The following EYA2 variants were observed in gnomAD, a reference collection of about 807,000 sequenced individuals.
The protein encoded by EYA2 is protein phosphatase EYA2.
EYA2 carries 31 observed loss-of-function variants against 69.2 expected under a neutral mutation model. The observed-to-expected ratio is 0.45, with a 90% confidence interval of 0.34 to 0.60. The LOEUF is 0.60. EYA2 is among the 20% of genes least tolerant of loss of function. The pLI is 0.02. For missense variants in EYA2, 622 were observed against 701.2 expected (o/e 0.89, Z 1.28); for synonymous variants, 257 against 279.4 (o/e 0.92, Z 0.80).
At chr20:47,023,635 T>TTG (rs1555813783) in intron 5 of EYA2, among the ~76,000 whole-genome samples, 2 of 88,306 alleles carry the variant, frequency 2.3e-5, no homozygotes, top group African/African-American at 6.6e-5. Context: ...TTTGGGTGTT[T>TTG]TTTTTTTTTT....
chr20:47,026,393 A>C (rs1600650744), intron 5 of EYA2, among the ~76,000 whole-genome samples: 2 of 152,228 alleles, frequency 1.3e-5, no homozygotes, highest in South Asian at 4.1e-4. Context: ...TCAGAAATCC[A>C]AAATCCATAA....
chr20:47,112,862 C>CTTTTTTTTTTTTTTTTTTTTTTT (rs11473217), intron 9 of EYA2, among the ~76,000 whole-genome samples: 1 of 55,808 alleles, frequency 1.8e-5, no homozygotes, highest in Non-Finnish European at 3.5e-5. Flanking sequence ...ATGTTCACTC[C>CTTTTTTTTTTTTTTTTTTTTTTT]TTTTTTTTTT....
intron 9 of EYA2, among the ~76,000 whole-genome samples, chr20:47,103,254 C>G (rs573991456): frequency 6.6e-6 from 1 of 152,240 alleles, no homozygotes; most frequent in Non-Finnish European, 1.5e-5. Flanking sequence ...CTAGCAGTCA[C>G]CCCTGCCATT....
chr20:46,934,611 G>A (rs1031202073), intron 1 of EYA2, among the ~76,000 whole-genome samples: 2 of 152,190 alleles, frequency 1.3e-5, no homozygotes, highest in Non-Finnish European at 2.9e-5. Context: ...GATGCTGCTA[G>A]GGAAGAGGAG....
rs182351130 is a variant in EYA2, at chr20:47,038,894, G to A, written c.415+22597G>A. Among the ~76,000 whole-genome samples the A allele has an allele frequency of 6.0e-5, 9 of 149,584 alleles. No individual in the cohort carries two copies. The Admixed American group carries it at 6.2e-4, about 10-fold the overall frequency. On this transcript the variant is annotated intron_variant, in intron 5 of 15. Transcript: ENST00000327619. ...GAGGGGCTTTTGTGAAGAGAGTAGG[G>A]GCTTCTCGAACAGGAGAAAAACAAA...
chr20:47,125,888 T>C (rs1417104325), intron 9 of EYA2, among the ~76,000 whole-genome samples: 1 of 152,096 alleles, frequency 6.6e-6, no homozygotes, highest in Admixed American at 6.5e-5. Flanking sequence ...GTGTGTGTTT[T>C]TTTTTCTTTA....
chr20:46,979,340 C>T (rs768684478), intron 1 of EYA2: 4 of 152,462 alleles, frequency 2.6e-5, no homozygotes, highest in Non-Finnish European at 4.4e-5. Context: ...TGGCACAAGC[C>T]GCAGGCAGCA....
In EYA2 at chr20:47,089,312, C is replaced by T. The variant is rs142473026; in HGVS notation, c.735C>T (p.Ser245=). The T allele has an allele frequency of 1.7e-4, 281 of 1,614,124 alleles. No homozygotes were observed. In the African/African-American group the frequency reaches 2.9e-3, roughly 17 times the overall value. ...ACACAGACAGGCCGCACCGGGCCTC[C>T]GACGGGAAGCTCCGAGGCCGGTCTA... ...EGDTDRPHRA[S]DGKLRGRSKR... is the part of the protein sequence containing the mutation. Residue 245 remains serine, a synonymous_variant, in exon 8 of 16, where the codon TCC becomes TCT. Transcript: ENST00000327619.
Position 47,183,314 on chromosome 20 carries a change from A to G in EYA2, c.1459A>G (p.Ile487Val). The G allele has an allele frequency of 1.9e-6, 3 of 1,614,102 alleles. No individual in the cohort carries two copies. Among genetic ancestry groups the G allele is most frequent in the Non-Finnish European group, 8.5e-7 (1 of 1,180,010 alleles). ...KTGKESCFER[I>V]MQRFGRKAVY... The stretch of plus-strand genomic sequence containing the variant: ...AGGGAAGGAGAGCTGCTTCGAGAGG[A>G]TAATGCAGAGATTCGGCAGAAAAGC... Residue 487 changes from isoleucine (I) to valine (V), a missense_variant, in exon 15 of 16, where the codon ATA (isoleucine) becomes GTA (valine). This residue lies in a region of EYA2 where 257 missense variants were observed against 351.5 expected (regional missense o/e 0.73). Transcript: ENST00000327619.
intron 10 of EYA2, among the ~76,000 whole-genome samples, chr20:47,153,842 C>A (rs1363940780): frequency 6.6e-6 from 1 of 151,998 alleles, no homozygotes; most frequent in East Asian, 2.0e-4. Flanking sequence ...GACCTTGATT[C>A]TTCTGAGCTC....
At chr20:47,116,473 C>G (rs1158788170) in intron 9 of EYA2, among the ~76,000 whole-genome samples, 1 of 152,112 alleles carries the variant, frequency 6.6e-6, no homozygotes, top group Non-Finnish European at 1.5e-5. Context: ...CCACTGCGCC[C>G]GGCCCACCAT....
chr20:47,171,809 T>C (rs2034327110), intron 11 of EYA2, among the ~76,000 whole-genome samples: 1 of 152,060 alleles, frequency 6.6e-6, no homozygotes, highest in Admixed American at 6.6e-5. Context: ...AATAAATCTA[T>C]GGCCGGGCAC....
At chr20:47,115,821 A>G (rs2032875139) in intron 9 of EYA2, among the ~76,000 whole-genome samples, 1 of 152,190 alleles carries the variant, frequency 6.6e-6, no homozygotes, top group Admixed American at 6.5e-5. Flanking sequence ...ACTCTTTGCC[A>G]TGACTTTCCA....
At chr20:47,017,315 TTG>T (rs1017587041) in intron 5 of EYA2, among the ~76,000 whole-genome samples, 5 of 152,160 alleles carry the variant, frequency 3.3e-5, no homozygotes, top group African/African-American at 1.2e-4. Flanking sequence ...TGATGTGTGA[TTG>T]TACTTTTTTT....
At chr20:47,166,341 GA>G (rs1241552420) in intron 10 of EYA2, among the ~76,000 whole-genome samples, 1 of 125,734 alleles carries the variant, frequency 8.0e-6, no homozygotes, top group African/African-American at 2.8e-5. Context: ...TGGTGGCAGT[GA>G]ACTGAGATTG....
intron 1 of EYA2, among the ~76,000 whole-genome samples, chr20:46,947,691 A>C (rs1978544296): frequency 2.6e-5 from 4 of 152,208 alleles, no homozygotes; most frequent in Non-Finnish European, 5.9e-5. Context: ...CAAGAGTGGT[A>C]CTCACCATTT....
chr20:47,101,504 A>T (rs1182053468), intron 9 of EYA2, among the ~76,000 whole-genome samples: 2 of 152,058 alleles, frequency 1.3e-5, no homozygotes, highest in Non-Finnish European at 2.9e-5. Flanking sequence ...TGTGAAATGT[A>T]CTCTTTATTT....
At chr20:47,086,831 T>C (rs1330256373) in intron 7 of EYA2, among the ~76,000 whole-genome samples, 1 of 151,470 alleles carries the variant, frequency 6.6e-6, no homozygotes, top group East Asian at 1.9e-4. Context: ...TTGGCACCCC[T>C]GCGAAATTGG....
chr20:47,036,371 A>G lies in EYA2; in HGVS notation c.415+20074A>G, dbSNP rs547492789. 5.9e-5 allele frequency among the ~76,000 whole-genome samples: 9 copies of G among 152,352 alleles called. No homozygotes were observed. In the East Asian group the frequency reaches 1.7e-3, roughly 29 times the overall value. ...CAAAGTATCAAATTTTGAAATAAAGACAGACTCCTGCTGTTTGTTTAGTGA... is the reference window on the plus strand; with the variant it reads ...CAAAGTATCAAATTTTGAAATAAAGGCAGACTCCTGCTGTTTGTTTAGTGA... On this transcript the variant is annotated intron_variant, in intron 5 of 15. Coordinates refer to ENST00000327619, the MANE Select transcript of EYA2 (RefSeq NM_005244.5).
Sources: allele counts gnomAD v4.1 joint callset (sites outside exome capture counted in the v4.1 genomes callset), GRCh38; gene constraint gnomAD v4.1.1; regional missense constraint gnomAD v4.1.1; transcripts MANE v1.5; gene names NCBI Gene and HGNC (gene_info 2026-07-23, HGNC 2026-07-21).